ABCC12: variants seen among roughly 807,000 people sequenced by gnomAD.
ABCC12 encodes the protein ATP binding cassette subfamily C member 12, also known as ATP-binding cassette sub-family C member 12.
Under a neutral mutation model 151.1 loss-of-function variants are expected in ABCC12, and 142 were observed. That is an observed-to-expected ratio of 0.94 (90% CI 0.82 to 1.08). ABCC12 has a LOEUF of 1.08. ABCC12 is among the 50% of genes least tolerant of loss of function. The pLI, the probability that ABCC12 is intolerant of heterozygous loss-of-function variation, is 0.00. For synonymous variants in ABCC12, 645 were observed against 646.4 expected (o/e 1.00, Z 0.03); for missense variants, 1,638 against 1,691.1 (o/e 0.97, Z 0.55).
At chr16:48,108,292 T>G in intron 19 of ABCC12, 148 bp downstream of exon 19, 1 of 704,054 alleles carries the variant, frequency 1.4e-6, no homozygotes, top group South Asian at 2.0e-5. Context: ...CGTTAGTTTT[T>G]AGGAGGGGAA....
At chr16:48,114,024 T>A (rs1368519397) in intron 15 of ABCC12, among the ~76,000 whole-genome samples, 3 of 152,134 alleles carry the variant, frequency 2.0e-5, no homozygotes, top group Admixed American at 2.0e-4. Flanking sequence ...GCCCATTCTG[T>A]CACCTCATGA....
chr16:48,155,506 G>A lies in ABCC12; in HGVS notation c.-320+335C>T, dbSNP rs548072168. Reference sequence around the variant, plus strand: ...ATTGTGAACACTACCCTGTATATGTGTTTGTGTTTGTGCATGTGTGGGAAA... The same window carrying A: ...ATTGTGAACACTACCCTGTATATGTATTTGTGTTTGTGCATGTGTGGGAAA... On this transcript the variant is annotated intron_variant, in intron 1 of 30. Coordinates refer to ENST00000311303, the MANE Select transcript of ABCC12 (RefSeq NM_001393797.1). Among the ~76,000 whole-genome samples the A allele has an allele frequency of 2.0e-4, 31 of 152,100 alleles. No individual in the cohort carries two copies. The South Asian group carries it at 6.2e-3, about 30-fold the overall frequency.
rs1963409502 is a variant in ABCC12 at position 48,104,310 on chromosome 16, CG to C, written c.2731del (p.Arg911ValfsTer11). On this transcript the variant is annotated frameshift_variant, in exon 22 of 31. Transcript: ENST00000311303. LOFTEE classifies it high-confidence loss of function. ...CAGCTCGTCCATATCCTTGGAAAAACGGTTCATTAGCCTGCCAGTGGGAGTC... is the reference window on the plus strand; with the variant it reads ...CAGCTCGTCCATATCCTTGGAAAAACGTTCATTAGCCTGCCAGTGGGAGTC... ...DTTPTGRLMN[R>X]FSKDMDELDV... 8 of 1,614,110 alleles carry C rather than the reference CG, an allele frequency of 5.0e-6. No homozygotes were observed. Among genetic ancestry groups the C allele is most frequent in the Non-Finnish European group, 4.2e-6 (5 of 1,180,050 alleles).
chr16:48,136,263 C>A (rs1036024391), intron 8 of ABCC12, among the ~76,000 whole-genome samples: 1 of 152,150 alleles, frequency 6.6e-6, no homozygotes, highest in Non-Finnish European at 1.5e-5. Context: ...CACCTCCAGG[C>A]CTCTGCTCCT....
At chr16:48,122,595 C>T (rs1368950620) in intron 12 of ABCC12, among the ~76,000 whole-genome samples, 5 of 152,124 alleles carry the variant, frequency 3.3e-5, no homozygotes, top group Non-Finnish European at 7.4e-5. Context: ...GTGCTCAGGG[C>T]TGATGCTCAC....
intron 15 of ABCC12, among the ~76,000 whole-genome samples, chr16:48,114,926 C>T (rs1963822820): frequency 6.6e-6 from 1 of 152,168 alleles, no homozygotes; most frequent in Admixed American, 6.5e-5. Context: ...AGCCTTAGTC[C>T]CAAAGTCCTG....
At chr16:48,098,006 A>G (rs1963163408) in intron 23 of ABCC12, among the ~76,000 whole-genome samples, 2 of 151,804 alleles carry the variant, frequency 1.3e-5, no homozygotes, top group African/African-American at 4.8e-5. Context: ...CCACATGGGC[A>G]TCAGAGAGCC....
chr16:48,103,021 T>C (rs1251831725), intron 22 of ABCC12, among the ~76,000 whole-genome samples: 1 of 152,216 alleles, frequency 6.6e-6, no homozygotes, highest in Non-Finnish European at 1.5e-5. Flanking sequence ...ACTCCTGCTC[T>C]ATAGTCTGCC....
chr16:48,150,989 T>C (rs1965109084), intron 2 of ABCC12, among the ~76,000 whole-genome samples: 1 of 152,114 alleles, frequency 6.6e-6, no homozygotes, highest in Admixed American at 6.5e-5. Flanking sequence ...TGTGTACATG[T>C]ATAGCAGTAT....
chr16:48,139,454 G>T, intron 6 of ABCC12, 118 bp from the exon 7 acceptor site: 2 of 1,094,568 alleles, frequency 1.8e-6, no homozygotes, highest in Non-Finnish European at 2.6e-6. Flanking sequence ...CTTCTCTAAA[G>T]CAGGAAGGGG....
chr16:48,125,151 T>C (rs1272623692), intron 11 of ABCC12, among the ~76,000 whole-genome samples: 2 of 151,956 alleles, frequency 1.3e-5, no homozygotes, highest in Non-Finnish European at 2.9e-5. Flanking sequence ...GAAATTCCAG[T>C]AGGGAAGAGG....
Position 48,115,548 on chromosome 16 carries a change from G to A in ABCC12, c.1856C>T (p.Ser619Phe), listed in dbSNP as rs372958274. 25 of 1,614,088 alleles carry A rather than the reference G, an allele frequency of 1.5e-5. No individual in the cohort carries two copies. The highest frequency in any genetic ancestry group is 2.1e-5 in the Non-Finnish European group (25 of 1,180,038). The change falls in exon 15 of 31, where the codon TCC (serine) becomes TTC (phenylalanine). Residue 619 changes from serine to phenylalanine, a missense_variant. Coordinates refer to ENST00000311303, the MANE Select transcript of ABCC12 (RefSeq NM_001393797.1). ...QRISLARAVY[S>F]DRQLYLLDDP... The stretch of plus-strand genomic sequence containing the variant: ...GTCCAGCAGGTAGAGCTGACGGTCG[G>A]AGTAGACAGCGCGGGCCAGGCTAAT...
rs1251774319 is a variant in ABCC12, at chr16:48,084,084, G to A, written c.3829-11C>T. 2.5e-6 allele frequency: 4 copies of A among 1,599,884 alleles called. No homozygotes were observed. The East Asian group carries it at 6.7e-5, about 27-fold the overall frequency. Reference sequence around the variant, plus strand: ...ATCAAGGAGAATGATCTGTGGAGGAGGAAACATTATAAGCCAAAGGCGCAC... The same window carrying A: ...ATCAAGGAGAATGATCTGTGGAGGAAGAAACATTATAAGCCAAAGGCGCAC... On this transcript the variant is annotated splice_polypyrimidine_tract_variant and intron_variant, in intron 29 of 30. Coordinates refer to ENST00000311303, the MANE Select transcript of ABCC12 (RefSeq NM_001393797.1).
intron 4 of ABCC12, among the ~76,000 whole-genome samples, chr16:48,141,977 A>G (rs1343665110): frequency 3.9e-5 from 6 of 152,252 alleles, no homozygotes; most frequent in Non-Finnish European, 7.3e-5. Flanking sequence ...AGACCACAGC[A>G]GGAGATTGTC....
chr16:48,121,098 T>A (rs1410477856), intron 13 of ABCC12: 1 of 151,960 alleles, frequency 6.6e-6, no homozygotes, highest in East Asian at 1.9e-4. Flanking sequence ...GGTCAACATC[T>A]ATCCTTTCCC....
At chr16:48,138,030 C>T (rs548845568) in intron 8 of ABCC12, among the ~76,000 whole-genome samples, 198 bp downstream of exon 8, 1 of 152,270 alleles carries the variant, frequency 6.6e-6, no homozygotes, top group Non-Finnish European at 1.5e-5. Context: ...GTCACTCACC[C>T]CTGGGTTCAC....
chr16:48,093,749 G>GT (rs776196899), intron 24 of ABCC12, among the ~76,000 whole-genome samples: 42 of 152,218 alleles, frequency 2.8e-4, no homozygotes, highest in Non-Finnish European at 5.7e-4. Context: ...AAATGCAAGA[G>GT]TATCAGCTCC....
chr16:48,132,156 A>G (rs955245058), intron 9 of ABCC12, among the ~76,000 whole-genome samples: 3 of 152,240 alleles, frequency 2.0e-5, no homozygotes, highest in Non-Finnish European at 4.4e-5. Context: ...GCTGGAGGAA[A>G]AAAATAGTTT....
Position 48,118,304 on chromosome 16 carries a change from C to T in ABCC12, c.1713-971G>A, listed in dbSNP as rs537696198. ...TCCTCCCTCGGTTTTCTCTGCAACT[C>T]AACCTCACTCATACAGCCCCCACCA... is the stretch of plus-strand genomic sequence containing the variant. On this transcript the variant is annotated intron_variant, in intron 13 of 30. Coordinates refer to ENST00000311303, the MANE Select transcript of ABCC12 (RefSeq NM_001393797.1). Among the ~76,000 whole-genome samples, 7 of 152,296 alleles carry T rather than the reference C, an allele frequency of 4.6e-5. No individual in the cohort carries two copies. In the South Asian group the frequency reaches 8.3e-4, roughly 18 times the overall value.
Sources: gnomAD v4.1 joint callset for allele counts (sites outside exome capture counted in the v4.1 genomes callset) on GRCh38, gnomAD v4.1.1 for gene constraint, MANE v1.5 for transcripts, NCBI Gene and HGNC (gene_info 2026-07-23, HGNC 2026-07-21) for gene names.